LECT2: variants seen among roughly 807,000 people sequenced by gnomAD.
LECT2 encodes the protein leukocyte cell derived chemotaxin 2, also known as leukocyte cell-derived chemotaxin-2.
In LECT2, 11 loss-of-function variants were observed where a neutral mutation model predicts 16.6. The observed-to-expected ratio is 0.66, with a 90% confidence interval of 0.42 to 1.09. The LOEUF is 1.09. Among genes scored for constraint, LECT2 ranks in the 50% least tolerant of loss-of-function variants. The pLI is 0.00. For synonymous variants in LECT2, 54 were observed against 64.8 expected (o/e 0.83, Z 0.80); for missense variants, 173 against 184.2 (o/e 0.94, Z 0.35).
intron 3 of LECT2, among the ~76,000 whole-genome samples, chr5:135,949,939 C>G (rs760728760): frequency 1.9e-4 from 29 of 152,216 alleles, no homozygotes; most frequent in Non-Finnish European, 3.4e-4. Context: ...ACTGCTTCTG[C>G]TCTCACTGAC....
In LECT2 at chr5:135,954,883, C is replaced by T. The variant is rs780315051; in HGVS notation, c.-50G>A. 6.2e-5 allele frequency: 83 copies of T among 1,338,622 alleles called. 1 individual carries two copies. In the South Asian group the frequency reaches 9.5e-4, roughly 15 times the overall value. The allele number at this position is 1,338,622 out of a possible 1,614,324, so 82.9% of individuals were successfully genotyped here. A position where few individuals can be genotyped will look rare whatever the true frequency, so the allele number is the denominator to read the frequency against. ...TCCTCTGATTAGAGTTGCCCCCACACTCTCTTTGAAGAATATTCAAGTTTG... is the reference window on the plus strand; with the variant it reads ...TCCTCTGATTAGAGTTGCCCCCACATTCTCTTTGAAGAATATTCAAGTTTG... On this transcript the variant is annotated 5_prime_UTR_variant, in exon 1 of 4. The change creates a new upstream start codon in the 5' untranslated region. Coordinates refer to ENST00000274507, the MANE Select transcript of LECT2 (RefSeq NM_002302.3).
intron 3 of LECT2, among the ~76,000 whole-genome samples, chr5:135,948,485 G>T (rs985382932): frequency 6.6e-6 from 1 of 151,854 alleles, no homozygotes; most frequent in Non-Finnish European, 1.5e-5. Context: ...GAATTGAGAT[G>T]TGCTTTAATG....
rs770397772 is a variant in LECT2, at chr5:135,951,223, C to T, written c.289G>A (p.Gly97Ser). The T allele has an allele frequency of 6.2e-7, 1 of 1,613,980 alleles. No homozygotes were observed. Among genetic ancestry groups the T allele is most frequent in the Non-Finnish European group, 8.5e-7 (1 of 1,179,936 alleles). Residue 97 changes from glycine to serine, a missense_variant and splice_region_variant, in exon 3 of 4, where the codon GGT becomes AGT. Physicochemically the swap from Gly to Ser is moderately conservative, Grantham distance 56 (BLOSUM62 0). Coordinates refer to ENST00000274507, the MANE Select transcript of LECT2 (RefSeq NM_002302.3). ...INNGVRISGR[G>S]FCVKMFYIKP... ...CAGGTGTAGACTCCACCTCTCTTAC[C>T]TCTTCCAGATATTCGAACACCATTA...
In LECT2 at chr5:135,947,352, A is replaced by C. The variant is rs1174128043; in HGVS notation, c.435T>G (p.Ser145Arg). ...CGATTTACAGGTATGCAGTAGGGTC[A>C]CTCGAGTCACAGTTTTCAATGTGCA... ...SHVHIENCDS[S>R]DPTAYL is the part of the protein sequence containing the mutation. The change falls in exon 4 of 4, where the codon AGT (serine) becomes AGG (arginine). Residue 145 changes from serine to arginine, a missense_variant. Transcript: ENST00000274507. 2 of 1,613,952 alleles carry C rather than the reference A, an allele frequency of 1.2e-6. No homozygotes were observed. Among genetic ancestry groups the C allele is most frequent in the Non-Finnish European group, 1.7e-6 (2 of 1,179,842 alleles).
intron 1 of LECT2, among the ~76,000 whole-genome samples, chr5:135,953,936 C>A (rs930283403): frequency 1.0e-4 from 15 of 143,306 alleles, no homozygotes; most frequent in African/African-American, 4.5e-4. Flanking sequence ...GGGCTGCTTT[C>A]TCAGCAGACT....
In LECT2 at chr5:135,951,219, T is replaced by C. The variant is rs202092757; in HGVS notation, c.289+4A>G. The C allele has an allele frequency of 8.7e-6, 14 of 1,614,008 alleles. No individual in the cohort carries two copies. In the East Asian group the frequency reaches 2.7e-4, roughly 31 times the overall value. On this transcript the variant is annotated splice_donor_region_variant and intron_variant, in intron 3 of 3. Transcript: ENST00000274507. ...ACCCCAGGTGTAGACTCCACCTCTC[T>C]TACCTCTTCCAGATATTCGAACACC...
rs1281955482 is a variant in LECT2 at position 135,946,911 on chromosome 5, A to G, written c.*420T>C. On this transcript the variant is annotated 3_prime_UTR_variant, in exon 4 of 4. Coordinates refer to ENST00000274507, the MANE Select transcript of LECT2 (RefSeq NM_002302.3). ...TCAAAAATGCAGCCTGGCCCAGCGT[A>G]AGTTCTCTTGTTTATTTATCTTAGA... The G allele has an allele frequency of 6.5e-6, 1 of 153,254 alleles. No individual in the cohort carries two copies. Among genetic ancestry groups the G allele is most frequent in the Non-Finnish European group, 1.5e-5 (1 of 68,760 alleles). The allele number at this position is 153,254 out of a possible 1,614,324, so 9.5% of individuals were successfully genotyped here.
At chr5:135,952,784 C>G (rs1763813115) in intron 2 of LECT2, 87 bp downstream of exon 2, 1 of 843,580 alleles carries the variant, frequency 1.2e-6, no homozygotes, top group Non-Finnish European at 2.0e-6. Context: ...GAACTGTGAG[C>G]CCTTGAGGCA....
chr5:135,947,466 T>A lies in LECT2; in HGVS notation c.321A>T (p.Pro107=). The A allele has an allele frequency of 6.2e-7, 1 of 1,613,230 alleles. No individual in the cohort carries two copies. Residue 107 remains proline (P), a synonymous_variant, in exon 4 of 4, where the codon CCA becomes CCT. Transcript: ENST00000274507. ...GFCVKMFYIK[P]IKYKGPIKKG... ...TCTTAATAGGACCTTTATACTTAAT[T>A]GGCTTAATGTAGAACATTTTGACAC...
chr5:135,947,245 G>T lies in LECT2; in HGVS notation c.*86C>A. The stretch of plus-strand genomic sequence containing the variant: ...ATCCCTTCATGCATTTTTCCTTTGT[G>T]AACACAAATTTCTTGAAGAGAAGGG... On this transcript the variant is annotated 3_prime_UTR_variant, in exon 4 of 4. Coordinates refer to ENST00000274507, the MANE Select transcript of LECT2 (RefSeq NM_002302.3). 1.5e-6 allele frequency: 2 copies of T among 1,307,610 alleles called. No homozygotes were observed. Among genetic ancestry groups the T allele is most frequent in the Non-Finnish European group, 2.1e-6 (2 of 931,660 alleles). The allele number at this position is 1,307,610 out of a possible 1,614,324, so 81.0% of individuals were successfully genotyped here.
Position 135,952,910 on chromosome 5 carries a change from G to C in LECT2, c.104C>G (p.Thr35Arg). The C allele has an allele frequency of 6.2e-7, 1 of 1,614,064 alleles. No individual in the cohort carries two copies. The highest frequency in any genetic ancestry group is 8.5e-7 in the Non-Finnish European group (1 of 1,179,914). Residue 35 changes from threonine to arginine, a missense_variant, in exon 2 of 4, where the codon ACG becomes AGG. Physicochemically the swap from Thr to Arg is moderately conservative, Grantham distance 71 (BLOSUM62 -1). Transcript: ENST00000274507. ...CAGKSSNEIR[T>R]CDRHGCGQYS... Reference sequence around the variant, plus strand: ...CTGTCCACAGCCATGGCGGTCACACGTCCGGATCTCATTGGAAGACTTGCC... The same window carrying C: ...CTGTCCACAGCCATGGCGGTCACACCTCCGGATCTCATTGGAAGACTTGCC...
At chr5:135,951,170 T>G in intron 3 of LECT2, 53 bp downstream of exon 3, 19 of 1,534,402 alleles carry the variant, frequency 1.2e-5, no homozygotes, top group Middle Eastern at 1.7e-4. Context: ...ATTAAATAAA[T>G]GAGCATCAAC....
chr5:135,950,100 G>A (rs1021920583), intron 3 of LECT2, among the ~76,000 whole-genome samples: 1 of 152,174 alleles, frequency 6.6e-6, no homozygotes, highest in African/African-American at 2.4e-5. Context: ...TTGGTGAGGA[G>A]GGTCTCCTCT....
At chr5:135,952,435 G>T (rs1437784649) in intron 2 of LECT2, among the ~76,000 whole-genome samples, 1 of 152,154 alleles carries the variant, frequency 6.6e-6, no homozygotes, top group Non-Finnish European at 1.5e-5. Flanking sequence ...GCCAGTAACC[G>T]CGTGGTTTGG....
Position 135,954,979 on chromosome 5 carries a change from G to A in LECT2, c.-146C>T, listed in dbSNP as rs1580675958. The A allele has an allele frequency of 1.6e-6, 1 of 620,572 alleles. No homozygotes were observed. The highest frequency in any genetic ancestry group is 2.8e-5 in the East Asian group (1 of 35,484). The allele number at this position is 620,572 out of a possible 1,614,324, so 38.4% of individuals were successfully genotyped here. ...ATTTCTTTAGTGTGAGACACAAAAAGTTTAAGAGGATGGAGCAAGTCAAGT... is the reference window on the plus strand; with the variant it reads ...ATTTCTTTAGTGTGAGACACAAAAAATTTAAGAGGATGGAGCAAGTCAAGT... On this transcript the variant is annotated 5_prime_UTR_variant, in exon 1 of 4. Coordinates refer to ENST00000274507, the MANE Select transcript of LECT2 (RefSeq NM_002302.3).
chr5:135,952,049 T>C (rs527700521), intron 2 of LECT2, among the ~76,000 whole-genome samples: 3 of 152,332 alleles, frequency 2.0e-5, no homozygotes, highest in Middle Eastern at 6.8e-3. Flanking sequence ...GCTGCAATTA[T>C]GTACAAAGCA....
chr5:135,954,383 G>A (rs1229330956), intron 1 of LECT2, among the ~76,000 whole-genome samples: 2 of 152,168 alleles, frequency 1.3e-5, no homozygotes, highest in South Asian at 2.1e-4. Flanking sequence ...TCCTCCTTCG[G>A]TGAGTATTAA....
rs1253600385 is a variant in LECT2, at chr5:135,951,281, C to T, written c.231G>A (p.Gln77=). The T allele has an allele frequency of 1.2e-6, 2 of 1,614,014 alleles. No individual in the cohort carries two copies. Among genetic ancestry groups the T allele is most frequent in the African/African-American group, 1.3e-5 (1 of 74,920 alleles). The change falls in exon 3 of 4, where the codon CAG becomes CAA. Residue 77 remains glutamine, a synonymous_variant. Coordinates refer to ENST00000274507, the MANE Select transcript of LECT2 (RefSeq NM_002302.3). The part of the protein sequence containing the change: ...YAPFTGMIVG[Q]EKPYQNKNAI... ...CATTCTTGTTTTGATAAGGTTTCTC[C>T]TGGCCCACAATCATTCCAGTGAATG...
At chr5:135,951,466 C>T (rs1060443) in intron 2 of LECT2, 98 bp from the exon 3 acceptor site, 4 of 1,196,746 alleles carry the variant, frequency 3.3e-6, no homozygotes, top group Non-Finnish European at 4.7e-6. Context: ...AGACGAGGTA[C>T]CAAAGCTTGA....
Sources: gnomAD v4.1 joint callset for allele counts (sites outside exome capture counted in the v4.1 genomes callset) on GRCh38, gnomAD v4.1.1 for gene constraint, MANE v1.5 for transcripts, NCBI Gene and HGNC (gene_info 2026-07-23, HGNC 2026-07-21) for gene names.